The following VAMP5 variants were observed in gnomAD, a reference collection of about 807,000 sequenced individuals.
VAMP5 encodes vesicle-associated membrane protein 5.
VAMP5 carries 10 observed loss-of-function variants against 8.1 expected under a neutral mutation model. That is an observed-to-expected ratio of 1.23 (90% CI 0.76 to 2.09). VAMP5 has a LOEUF of 2.09. Among genes scored for constraint, VAMP5 ranks in the 30% most tolerant of loss-of-function variants. The pLI, the probability that VAMP5 is intolerant of heterozygous loss-of-function variation, is 0.00. For missense variants in VAMP5, 135 were observed against 152.5 expected (o/e 0.89, Z 0.60); for synonymous variants, 62 against 60.6 (o/e 1.02, Z -0.11).
intron 1 of VAMP5, among the ~76,000 whole-genome samples, chr2:85,588,312 G>A (rs1425360881): frequency 6.6e-6 from 1 of 152,202 alleles, no homozygotes; most frequent in Non-Finnish European, 1.5e-5. Flanking sequence ...AGAAAAACCT[G>A]AGAGGTTTGA....
At chr2:85,586,752 C>G (rs1359417540) in intron 1 of VAMP5, among the ~76,000 whole-genome samples, 4 of 151,734 alleles carry the variant, frequency 2.6e-5, no homozygotes, top group Non-Finnish European at 5.9e-5. Flanking sequence ...TGTAAAACCT[C>G]AACAGCCTGC....
At position 85,593,402 on chromosome 2, in the gene VAMP5, C is replaced by G. The variant is rs1672580217; in HGVS notation, c.*245C>G. 2 of 550,804 alleles carry G rather than the reference C, an allele frequency of 3.6e-6. No individual in the cohort carries two copies. Among genetic ancestry groups the G allele is most frequent in the Non-Finnish European group, 3.3e-6 (1 of 305,678 alleles). 34.1% of individuals were successfully genotyped at this position (550,804 alleles called of 1,614,324 possible). A position where few individuals can be genotyped will look rare whatever the true frequency, so the allele number is the denominator to read the frequency against. On this transcript the variant is annotated 3_prime_UTR_variant, in exon 3 of 3. Coordinates refer to ENST00000306384, the MANE Select transcript of VAMP5 (RefSeq NM_006634.3). ...CTGCTGTTTGATTAAAAGCTGGTAT[C>G]TGTGTGTGAAGGTCCCCAGGTTGGT...
intron 1 of VAMP5, among the ~76,000 whole-genome samples, chr2:85,587,701 AT>A (rs1211648612): frequency 4.6e-5 from 7 of 152,202 alleles, no homozygotes; most frequent in Non-Finnish European, 8.8e-5. Context: ...AAGTCACATA[AT>A]CCTTAGCTAA....
chr2:85,591,681 A>G (rs756429957), intron 1 of VAMP5, 44 bp from the exon 2 acceptor site: 7 of 1,613,042 alleles, frequency 4.3e-6, no homozygotes, highest in Non-Finnish European at 5.9e-6. Flanking sequence ...GATGAGGGCC[A>G]GGTGGGGGCC....
chr2:85,590,010 T>C (rs1046450036), intron 1 of VAMP5, among the ~76,000 whole-genome samples: 8 of 152,090 alleles, frequency 5.3e-5, no homozygotes, highest in African/African-American at 1.7e-4. Flanking sequence ...TGATGGAGCC[T>C]TGTTGAATGC....
chr2:85,592,894 C>G, intron 2 of VAMP5, 54 bp from the exon 3 acceptor site: 1 of 1,606,024 alleles, frequency 6.2e-7, no homozygotes, highest in South Asian at 1.1e-5. Context: ...GAGCTGGCTC[C>G]CAGGCCAAGA....
chr2:85,591,442 T>G (rs1672536244), intron 1 of VAMP5, among the ~76,000 whole-genome samples: 1 of 152,110 alleles, frequency 6.6e-6, no homozygotes, highest in African/African-American at 2.4e-5. Context: ...AGATCCCACC[T>G]TGGGACAGCT....
intron 2 of VAMP5, among the ~76,000 whole-genome samples, chr2:85,592,658 G>C (rs141533427): frequency 6.6e-6 from 1 of 151,940 alleles, no homozygotes; most frequent in Non-Finnish European, 1.5e-5. Flanking sequence ...AAAATTAGCC[G>C]GGCGCAGTGG....
At chr2:85,588,452 G>C (rs1458735609) in intron 1 of VAMP5, among the ~76,000 whole-genome samples, 2 of 152,082 alleles carry the variant, frequency 1.3e-5, no homozygotes, top group African/African-American at 4.8e-5. Context: ...AGCCCTGCAG[G>C]CTTCTGGCCT....
intron 1 of VAMP5, among the ~76,000 whole-genome samples, chr2:85,586,901 C>T (rs1672469411): frequency 6.6e-6 from 1 of 152,042 alleles, no homozygotes; most frequent in African/African-American, 2.4e-5. Context: ...CGGTGAAACC[C>T]TGTCTCTACT....
At chr2:85,592,525 G>A (rs754152178) in intron 2 of VAMP5, among the ~76,000 whole-genome samples, 2 of 152,102 alleles carry the variant, frequency 1.3e-5, no homozygotes, top group Non-Finnish European at 2.9e-5. Context: ...AGACAAGGCC[G>A]GGCGCGGTGT....
At chr2:85,588,634 A>G (rs2104047167) in intron 1 of VAMP5, among the ~76,000 whole-genome samples, 1 of 152,244 alleles carries the variant, frequency 6.6e-6, no homozygotes, top group Admixed American at 6.5e-5. Flanking sequence ...TACCACCAAT[A>G]GAGAAATTAT....
At chr2:85,585,915 T>C (rs900045654) in intron 1 of VAMP5, among the ~76,000 whole-genome samples, 1 of 152,234 alleles carries the variant, frequency 6.6e-6, no homozygotes, top group Non-Finnish European at 1.5e-5. Flanking sequence ...TTCTTGGAAA[T>C]GTCCTTCATG....
chr2:85,591,709 CG>C lies in VAMP5; in HGVS notation c.4-13del, dbSNP rs1322647754. ...TGGGGGCCTCATGCAGCCCTGACCT[CG>C]GGCTTGGTGTCCAGGCAGGAATAGA... On this transcript the variant is annotated splice_polypyrimidine_tract_variant and intron_variant, in intron 1 of 2. Transcript: ENST00000306384. 1 of 1,613,840 alleles carries C rather than the reference CG, an allele frequency of 6.2e-7. No individual in the cohort carries two copies. Among genetic ancestry groups the C allele is most frequent in the Non-Finnish European group, 8.5e-7 (1 of 1,179,906 alleles).
At chr2:85,588,515 G>T (rs1672494722) in intron 1 of VAMP5, among the ~76,000 whole-genome samples, 1 of 151,698 alleles carries the variant, frequency 6.6e-6, no homozygotes, top group African/African-American at 2.4e-5. Context: ...CGCTCTGCTT[G>T]TCACCCCTCT....
At position 85,593,179 on chromosome 2, in the gene VAMP5, A is replaced by C. The variant is rs1672575492; in HGVS notation, c.*22A>C. ...CTGACCCAGCTGGTCCTGAAGGAGA[A>C]GCCAAATGGCTGCACTGGCCGATTC... is the stretch of plus-strand genomic sequence containing the variant. On this transcript the variant is annotated 3_prime_UTR_variant, in exon 3 of 3. Coordinates refer to ENST00000306384, the MANE Select transcript of VAMP5 (RefSeq NM_006634.3). 1.1e-5 allele frequency: 17 copies of C among 1,613,346 alleles called. No homozygotes were observed. Among genetic ancestry groups the C allele is most frequent in the Non-Finnish European group, 1.4e-5 (17 of 1,179,792 alleles).
At chr2:85,592,808 A>G (rs1166800466) in intron 2 of VAMP5, 140 bp from the exon 3 acceptor site, 12 of 791,750 alleles carry the variant, frequency 1.5e-5, no homozygotes, top group Non-Finnish European at 2.4e-5. Context: ...CTCAAAAAAA[A>G]AAAAAAAAGA....
At chr2:85,590,239 C>T (rs113800268) in intron 1 of VAMP5, among the ~76,000 whole-genome samples, 10 of 152,252 alleles carry the variant, frequency 6.6e-5, no homozygotes, top group African/African-American at 1.2e-4. Context: ...GCCTGCCCCT[C>T]GAAACTCATG....
intron 1 of VAMP5, among the ~76,000 whole-genome samples, chr2:85,591,374 C>T (rs557101904): frequency 3.6e-4 from 55 of 152,226 alleles, no homozygotes; most frequent in Non-Finnish European, 4.6e-4. Context: ...ATTGGGTAGA[C>T]GCCATTCTGG....
Sources: allele counts gnomAD v4.1 joint callset (sites outside exome capture counted in the v4.1 genomes callset), GRCh38; gene constraint gnomAD v4.1.1; transcripts MANE v1.5; gene names NCBI Gene and HGNC (gene_info 2026-07-23, HGNC 2026-07-21).